Variants in PTPRN2 observed in about 807,000 individuals in gnomAD.
PTPRN2 encodes the protein protein tyrosine phosphatase receptor type N2, also known as receptor-type tyrosine-protein phosphatase N2.
Under a neutral mutation model 118.8 loss-of-function variants are expected in PTPRN2, and 74 were observed. The ratio of observed to expected loss-of-function variants is 0.62; its 90% CI spans 0.52 to 0.76. The LOEUF is 0.76. Among genes scored for constraint, PTPRN2 ranks in the 30% least tolerant of loss-of-function variants. The pLI is 0.00. For missense variants in PTPRN2, 1,481 were observed against 1,394.4 expected, an observed-to-expected ratio of 1.06 and a Z score of -0.99; for synonymous variants, 641 against 608.0, an observed-to-expected ratio of 1.05 and a Z score of -0.80.
chr7:157,627,511 G>A lies in PTPRN2; in HGVS notation c.2197-6002C>T, dbSNP rs79681966. Among the ~76,000 whole-genome samples, 499 of 152,304 alleles carry A rather than the reference G, an allele frequency of 3.3e-3. 6 individuals carry two copies. The highest frequency in any genetic ancestry group is 0.011 in the African/African-American group (472 of 41,560). Reference sequence around the variant, plus strand: ...GTCTGTTCCCTGATCCTTAGGAAGCGTTTGGAGGTGTGTCTTTCGTCTTTT... The same window carrying A: ...GTCTGTTCCCTGATCCTTAGGAAGCATTTGGAGGTGTGTCTTTCGTCTTTT... On this transcript the variant is annotated intron_variant, in intron 14 of 22. Transcript: ENST00000389418. The surrounding 1 kb of genome is among the most constrained non-coding windows in gnomAD (Gnocchi z 4.2).
chr7:158,175,653 G>A (rs972919558), intron 5 of PTPRN2, among the ~76,000 whole-genome samples: 7 of 152,238 alleles, frequency 4.6e-5, no homozygotes, highest in Admixed American at 2.0e-4. Context: ...GGTCTCACAC[G>A]AGCGTATACG....
At chr7:158,486,394 T>C (rs1821025242) in intron 2 of PTPRN2, among the ~76,000 whole-genome samples, 1 of 152,242 alleles carries the variant, frequency 6.6e-6, no homozygotes, top group South Asian at 2.1e-4. Context: ...CCACCTGTGT[T>C]TGGATGTGTC....
Position 157,868,124 on chromosome 7 carries a change from G to A in PTPRN2, c.1788+30549C>T, listed in dbSNP as rs1810827138. Among the ~76,000 whole-genome samples the A allele has an allele frequency of 1.3e-5, 2 of 152,258 alleles. No individual in the cohort carries two copies. Among genetic ancestry groups the A allele is most frequent in the South Asian group, 2.1e-4 (1 of 4,832 alleles). On this transcript the variant is annotated intron_variant, in intron 12 of 22. Coordinates refer to ENST00000389418, the MANE Select transcript of PTPRN2 (RefSeq NM_002847.5). This position sits in a 1 kb window ranked among gnomAD's most constrained non-coding sequence, Gnocchi z 5.2. ...AGAAAGGGCCCGAAACAGTTCACGA[G>A]TGGGGTGTGGGCTGTGGGTCCAGAC...
intron 12 of PTPRN2, among the ~76,000 whole-genome samples, chr7:157,796,605 A>T (rs1443008804): frequency 6.6e-6 from 1 of 152,226 alleles, no homozygotes; most frequent in African/African-American, 2.4e-5. Flanking sequence ...GGCTACAAAG[A>T]AACACCTGAG....
chr7:157,847,976 C>T (rs575628274), intron 12 of PTPRN2, among the ~76,000 whole-genome samples: 62 of 151,948 alleles, frequency 4.1e-4, no homozygotes, highest in Non-Finnish European at 6.2e-4. Context: ...CCGATGTTTA[C>T]AGAGCCCTCT....
chr7:158,445,364 C>G (rs1817649317), intron 2 of PTPRN2, among the ~76,000 whole-genome samples: 1 of 152,208 alleles, frequency 6.6e-6, no homozygotes, highest in Non-Finnish European at 1.5e-5. Context: ...ATTAAATCCC[C>G]CCGTCTGCAA....
chr7:158,489,751 GGACGC>G lies in PTPRN2; in HGVS notation c.142_146del (p.Ala48ArgfsTer50). On this transcript the variant is annotated frameshift_variant, in exon 2 of 23. Coordinates refer to ENST00000389418, the MANE Select transcript of PTPRN2 (RefSeq NM_002847.5). LOFTEE classifies it high-confidence loss of function. The stretch of plus-strand genomic sequence containing the variant: ...CACACTCACCGTTCACACAGGCCTC[GGACGC>G]TCCGCAGAGGCCCTCCTCGAGCAGG... 9 of 1,583,828 alleles carry G rather than the reference GGACGC, an allele frequency of 5.7e-6. No homozygotes were observed. Among genetic ancestry groups the G allele is most frequent in the Non-Finnish European group, 7.7e-6 (9 of 1,166,220 alleles).
intron 11 of PTPRN2, among the ~76,000 whole-genome samples, chr7:158,071,582 C>CGTGGTGGTGGAGATG (rs1563392123): frequency 1.3e-4 from 1 of 7,528 alleles, no homozygotes; most frequent in Non-Finnish European, 2.6e-4. Flanking sequence ...TGGAGGTGCT[C>CGTGGTGGTGGAGATG]CTGGTGGAGG....
At chr7:157,851,059 GCCTTCTGTCCCAT>G (rs1384702132) in intron 12 of PTPRN2, among the ~76,000 whole-genome samples, 1 of 152,314 alleles carries the variant, frequency 6.6e-6, no homozygotes, top group Non-Finnish European at 1.5e-5. Flanking sequence ...AGCCTGCTGG[GCCTTCTGTCCCAT>G]GGCCCCGCAC....
At chr7:158,227,139 G>C (rs1828847914) in intron 3 of PTPRN2, among the ~76,000 whole-genome samples, 1 of 152,126 alleles carries the variant, frequency 6.6e-6, no homozygotes, top group Non-Finnish European at 1.5e-5. Context: ...GTTGGGAGAA[G>C]GTGTGAGAAA....
At chr7:158,340,965 C>G (rs1306807532) in intron 2 of PTPRN2, among the ~76,000 whole-genome samples, 5 of 85,046 alleles carry the variant, frequency 5.9e-5, no homozygotes, top group African/African-American at 1.6e-4. Context: ...CTGACGCCCG[C>G]AGATGTCACT....
At chr7:158,581,182 G>A (rs1828606838) in intron 1 of PTPRN2, among the ~76,000 whole-genome samples, 1 of 152,224 alleles carries the variant, frequency 6.6e-6, no homozygotes, top group Non-Finnish European at 1.5e-5. Context: ...CACTGGGAGA[G>A]AAAGGAGGCT....
rs1822141234 is a variant in PTPRN2 at position 158,159,228 on chromosome 7, G to A, written c.910+7703C>T. 2.0e-5 allele frequency among the ~76,000 whole-genome samples: 3 copies of A among 152,230 alleles called. No individual in the cohort carries two copies. The South Asian group carries it at 6.2e-4, about 32-fold the overall frequency. On this transcript the variant is annotated intron_variant, in intron 6 of 22. Transcript: ENST00000389418. ...CTTTCTGAATGAATGAGTGAACTTG[G>A]GAATAACCACGCGAAGCGTTGCATG...
rs1796587455 is a variant in PTPRN2, at chr7:157,674,839, GC to G, written c.2001+7885del. On this transcript the variant is annotated intron_variant, in intron 13 of 22. Coordinates refer to ENST00000389418, the MANE Select transcript of PTPRN2 (RefSeq NM_002847.5). The surrounding 1 kb of genome is among the most constrained non-coding windows in gnomAD (Gnocchi z 4.5). ...TCTCCTCCCACGCCGAGCTCCTCCT[GC>G]CGGGGGGGTCTGCACAGTTCTGGGT... Among the ~76,000 whole-genome samples the G allele has an allele frequency of 1.3e-5, 2 of 152,212 alleles. No homozygotes were observed. Among genetic ancestry groups the G allele is most frequent in the South Asian group, 4.1e-4 (2 of 4,828 alleles).
At chr7:157,726,985 G>C (rs546490215) in intron 12 of PTPRN2, among the ~76,000 whole-genome samples, 1 of 152,050 alleles carries the variant, frequency 6.6e-6, no homozygotes, top group Non-Finnish European at 1.5e-5. Flanking sequence ...GACTCTTACC[G>C]AAAAAAACAG....
intron 15 of PTPRN2, among the ~76,000 whole-genome samples, chr7:157,605,064 C>T (rs1340462761): frequency 3.9e-5 from 6 of 152,164 alleles, no homozygotes; most frequent in Non-Finnish European, 5.9e-5. Context: ...TGGCCGGTGG[C>T]GCCTTTGCCC....
intron 11 of PTPRN2, among the ~76,000 whole-genome samples, chr7:158,080,370 A>C (rs1245852767): frequency 1.3e-5 from 2 of 148,290 alleles, no homozygotes; most frequent in Non-Finnish European, 3.0e-5. Context: ...AATATAAAGG[A>C]CTGGCTAAAA....
chr7:158,312,490 G>A (rs977384426), intron 3 of PTPRN2, among the ~76,000 whole-genome samples: 4 of 145,428 alleles, frequency 2.8e-5, no homozygotes, highest in Admixed American at 6.8e-5. Flanking sequence ...GTACACACAC[G>A]TGCTCACGTG....
intron 5 of PTPRN2, among the ~76,000 whole-genome samples, chr7:158,188,987 T>C (rs1405405911): frequency 2.0e-5 from 3 of 152,156 alleles, no homozygotes; most frequent in South Asian, 2.1e-4. Flanking sequence ...TGCAGTACAC[T>C]GTGCTCGGCC....
Sources: gnomAD v4.1 joint callset for allele counts (sites outside exome capture counted in the v4.1 genomes callset) on GRCh38, gnomAD v4.1.1 for gene constraint, Gnocchi (gnomAD v3.1) non-coding constraint, MANE v1.5 for transcripts, NCBI Gene and HGNC (gene_info 2026-07-23, HGNC 2026-07-21) for gene names.